The following FRMPD4 variants were observed in gnomAD, a reference collection of about 807,000 sequenced individuals.
FRMPD4 encodes the protein FERM and PDZ domain-containing protein 4.
FRMPD4 carries 22 observed loss-of-function variants against 94.1 expected under a neutral mutation model. That is an observed-to-expected ratio of 0.23 (90% confidence interval 0.17 to 0.33). The LOEUF (loss-of-function observed/expected upper bound fraction) is 0.33. FRMPD4 is among the 10% of genes least tolerant of loss of function. The pLI is 1.00. For missense variants in FRMPD4, 1,111 were observed against 1,339.9 expected, an observed-to-expected ratio of 0.83 and a Z score of 2.67; for synonymous variants, 631 against 548.6, an observed-to-expected ratio of 1.15 and a Z score of -2.10.
chrX:12,138,201 A>G (rs760184862), upstream of FRMPD4, among the ~76,000 whole-genome samples: 6 of 112,050 alleles, frequency 5.4e-5, no homozygotes, highest in East Asian at 1.7e-3. Flanking sequence ...TTGACAAACG[A>G]CCCAACCTCA....
chrX:12,507,091 T>C (rs754716492), intron 2 of FRMPD4, among the ~76,000 whole-genome samples: 5 of 112,301 alleles, frequency 4.5e-5, no homozygotes, highest in African/African-American at 6.5e-5. Context: ...ACCTCTTGAC[T>C]CTTTTTAAAA....
chrX:11,829,023 G>T (rs1278575353), intron 1 of FRMPD4, among the ~76,000 whole-genome samples: 1 of 112,227 alleles, frequency 8.9e-6, no homozygotes, highest in African/African-American at 3.2e-5. Flanking sequence ...CAACTTGAAG[G>T]CAGCCAGGCA....
At chrX:12,250,931 A>G (rs780888601) in intron 1 of FRMPD4, among the ~76,000 whole-genome samples, 61 of 111,669 alleles carry the variant, frequency 5.5e-4, no homozygotes, top group African/African-American at 2.0e-3. Flanking sequence ...CTGTCTTTCC[A>G]TCATTTTCTG....
chrX:11,865,808 T>C (rs567002638), intron 2 of FRMPD4, among the ~76,000 whole-genome samples: 197 of 111,677 alleles, frequency 1.8e-3, no homozygotes, highest in African/African-American at 6.0e-3. Flanking sequence ...AACTGTAGAG[T>C]GAGCTGAATC....
At chrX:12,706,049 A>G (rs2147147035) in intron 11 of FRMPD4, among the ~76,000 whole-genome samples, 1 of 111,077 alleles carries the variant, frequency 9.0e-6, no homozygotes, top group South Asian at 3.8e-4. Flanking sequence ...TTCAACCTTA[A>G]TAAACATCCC....
chrX:11,970,045 T>G (rs1033005648), intron 3 of FRMPD4, among the ~76,000 whole-genome samples: 6 of 111,492 alleles, frequency 5.4e-5, no homozygotes, highest in Non-Finnish European at 1.9e-5. Flanking sequence ...CAGAGACAGG[T>G]GCAGTTTGCT....
chrX:12,183,020 G>A (rs921815352), intron 1 of FRMPD4, among the ~76,000 whole-genome samples: 1 of 111,192 alleles, frequency 9.0e-6, no homozygotes, highest in African/African-American at 3.3e-5. Context: ...GGGATTTGAA[G>A]TCTCGTCCTG....
At chrX:12,611,736 A>G (rs1183064652) in intron 3 of FRMPD4, among the ~76,000 whole-genome samples, 2 of 112,532 alleles carry the variant, frequency 1.8e-5, no homozygotes, top group Non-Finnish European at 3.8e-5. Flanking sequence ...ATAATTAACC[A>G]CTTTAGACTT....
intron 1 of FRMPD4, among the ~76,000 whole-genome samples, chrX:12,296,278 A>G (rs769240784): frequency 1.2e-4 from 13 of 111,960 alleles, no homozygotes; most frequent in Non-Finnish European, 2.3e-4. Context: ...CATTGTCATT[A>G]ATATTAATAA....
At chrX:12,573,431 A>C (rs897219903) in intron 2 of FRMPD4, among the ~76,000 whole-genome samples, 1 of 112,568 alleles carries the variant, frequency 8.9e-6, no homozygotes, top group African/African-American at 3.2e-5. Flanking sequence ...GGAATCTTAG[A>C]GTGAAGTGGG....
intron 3 of FRMPD4, among the ~76,000 whole-genome samples, chrX:11,883,614 G>A (rs1426781072): frequency 8.9e-6 from 1 of 111,897 alleles, no homozygotes; most frequent in Non-Finnish European, 1.9e-5. Context: ...ATGGTCCATG[G>A]TGCTTGAGGA....
intron 1 of FRMPD4, among the ~76,000 whole-genome samples, chrX:12,459,006 C>T (rs1244250765): frequency 8.9e-6 from 1 of 111,901 alleles, no homozygotes; most frequent in Non-Finnish European, 1.9e-5. Flanking sequence ...ACTCCATTGA[C>T]CATGGAGCAC....
chrX:12,340,834 T>C (rs1282948361), intron 1 of FRMPD4, among the ~76,000 whole-genome samples: 1 of 111,592 alleles, frequency 9.0e-6, no homozygotes. Context: ...ATGGTCTACC[T>C]AAATGATCTG....
intron 4 of FRMPD4, among the ~76,000 whole-genome samples, chrX:12,619,701 G>A (rs971760308): frequency 1.2e-4 from 13 of 112,291 alleles, no homozygotes; most frequent in African/African-American, 4.2e-4. Flanking sequence ...TTGGGTAACA[G>A]ATCTGCTGAC....
At chrX:12,471,833 T>C (rs192223036) in intron 1 of FRMPD4, among the ~76,000 whole-genome samples, 1 of 112,134 alleles carries the variant, frequency 8.9e-6, no homozygotes, top group East Asian at 2.8e-4. Context: ...CTGCCAATGC[T>C]TCCCTGGCCA....
chrX:12,668,705 A>C (rs2059807696), intron 4 of FRMPD4, among the ~76,000 whole-genome samples: 1 of 106,212 alleles, frequency 9.4e-6, no homozygotes, highest in South Asian at 4.3e-4. Flanking sequence ...CCTGGGTTCA[A>C]GCAATTCCCT....
At chrX:12,127,513 C>T (rs1415867924) in intron 3 of FRMPD4, among the ~76,000 whole-genome samples, 1 of 111,913 alleles carries the variant, frequency 8.9e-6, no homozygotes, top group Non-Finnish European at 1.9e-5. Flanking sequence ...CACTGGGTCC[C>T]TCCCACCACA....
intron 1 of FRMPD4, among the ~76,000 whole-genome samples, chrX:12,190,366 T>A (rs1361984092): frequency 2.7e-5 from 3 of 110,751 alleles, no homozygotes; most frequent in African/African-American, 6.5e-5. Context: ...GATTCTAATG[T>A]TTATATGGAG....
rs1427451155 is a variant in FRMPD4, at chrX:12,332,139, TAA to T, written c.42-166540_42-166539del. On this transcript the variant is annotated intron_variant, in intron 1 of 16. Transcript: ENST00000675598. ...TAATTTATATTTTATATATTATATA[TAA>T]TTTATATTTTATATATAATTTATAT... Among the ~76,000 whole-genome samples, 2 of 86,055 alleles carry T rather than the reference TAA, an allele frequency of 2.3e-5. 1 individual carries two copies. Among genetic ancestry groups the T allele is most frequent in the African/African-American group, 8.7e-5 (2 of 23,007 alleles). 74.7% of individuals were successfully genotyped at this position (86,055 alleles called of 115,157 possible).
Sources: allele counts gnomAD v4.1 joint callset (sites outside exome capture counted in the v4.1 genomes callset), GRCh38; gene constraint gnomAD v4.1.1; transcripts MANE v1.5; gene names NCBI Gene and HGNC (gene_info 2026-07-23, HGNC 2026-07-21).